Variants in TENM2 observed in about 807,000 individuals in gnomAD.
TENM2 encodes the protein teneurin-2.
In TENM2, 52 loss-of-function variants were observed where a neutral mutation model predicts 245.2. The observed-to-expected ratio is 0.21, with a 90% CI of 0.17 to 0.27. The LOEUF (loss-of-function observed/expected upper bound fraction) is 0.27. Ranked by LOEUF, TENM2 falls within the 10% of genes least tolerant of loss-of-function variation. The pLI is 1.00. For synonymous variants in TENM2, 1,363 were observed against 1,438.9 expected (o/e 0.95, Z 1.19); for missense variants, 3,046 against 3,666.8 (o/e 0.83, Z 4.37).
the TENM2 span, among the ~76,000 whole-genome samples, chr5:167,189,295 G>C: frequency 2.0e-5 from 3 of 152,106 alleles, no homozygotes; most frequent in African/African-American, 7.2e-5. Flanking sequence ...TAGTGTGGAA[G>C]AAAAATATCT....
At chr5:168,066,181 C>A (rs1790487604) in intron 7 of TENM2, among the ~76,000 whole-genome samples, 1 of 152,184 alleles carries the variant, frequency 6.6e-6, no homozygotes, top group African/African-American at 2.4e-5. Flanking sequence ...GGACACAGAC[C>A]TATGAAACTT....
At chr5:167,462,241 G>A (rs1766359989) in intron 2 of TENM2, among the ~76,000 whole-genome samples, 2 of 126,756 alleles carry the variant, frequency 1.6e-5, no homozygotes, top group African/African-American at 3.0e-5. Context: ...TGGCTGTTGT[G>A]CACTCAAACC....
intron 2 of TENM2, among the ~76,000 whole-genome samples, chr5:167,599,451 T>C (rs567906898): frequency 2.6e-5 from 4 of 152,312 alleles, no homozygotes; most frequent in African/African-American, 9.6e-5. Context: ...TCAAATCTGA[T>C]TATATCTGAA....
intron 1 of TENM2, among the ~76,000 whole-genome samples, chr5:167,359,574 A>G (rs1759573793): frequency 6.6e-6 from 1 of 151,970 alleles, no homozygotes; most frequent in South Asian, 2.1e-4. Flanking sequence ...AAGTTTAATT[A>G]GATTCCATTT....
chr5:167,414,515 G>A (rs1469222230), intron 2 of TENM2, among the ~76,000 whole-genome samples: 1 of 152,062 alleles, frequency 6.6e-6, no homozygotes, highest in African/African-American at 2.4e-5. Context: ...CACTCGGCAA[G>A]TGATTTAGGG....
At chr5:167,711,594 C>G (rs866272371) in intron 2 of TENM2, among the ~76,000 whole-genome samples, 2 of 152,206 alleles carry the variant, frequency 1.3e-5, no homozygotes, top group African/African-American at 4.8e-5. Flanking sequence ...ATCAAACCCA[C>G]TGTTTATCTG....
chr5:168,121,951 TC>T (rs1433795014), intron 10 of TENM2, among the ~76,000 whole-genome samples: 2 of 152,190 alleles, frequency 1.3e-5, no homozygotes, highest in Non-Finnish European at 2.9e-5. Context: ...AATTTACAGA[TC>T]CCCAAATACG....
At chr5:168,164,785 G>A (rs1758070229) in intron 13 of TENM2, among the ~76,000 whole-genome samples, 1 of 152,142 alleles carries the variant, frequency 6.6e-6, no homozygotes, top group South Asian at 2.1e-4. Flanking sequence ...TGGGGGCAGA[G>A]GTTGTTTCAG....
the TENM2 span, among the ~76,000 whole-genome samples, chr5:167,217,735 T>TAA: frequency 4.2e-5 from 6 of 144,512 alleles, no homozygotes; most frequent in Non-Finnish European, 3.0e-5. Context: ...TATATATATA[T>TAA]AATATATGTG....
At chr5:167,575,820 AT>A (rs900955479) in intron 2 of TENM2, among the ~76,000 whole-genome samples, 1 of 151,964 alleles carries the variant, frequency 6.6e-6, no homozygotes, top group African/African-American at 2.4e-5. Flanking sequence ...ATCACATGTA[AT>A]TTTTTTTCAG....
At chr5:167,922,754 C>T (rs1294209425) in intron 3 of TENM2, among the ~76,000 whole-genome samples, 2 of 152,212 alleles carry the variant, frequency 1.3e-5, no homozygotes, top group East Asian at 1.9e-4. Flanking sequence ...AGGGCCAGCT[C>T]AGCTGTGCCT....
intron 5 of TENM2, among the ~76,000 whole-genome samples, chr5:168,019,906 A>G (rs1412965682): frequency 6.6e-6 from 1 of 152,242 alleles, no homozygotes; most frequent in Non-Finnish European, 1.5e-5. Context: ...CATTGAAATG[A>G]CATGTTTCAC....
chr5:168,126,388 T>G (rs896224255), intron 11 of TENM2, among the ~76,000 whole-genome samples: 1 of 151,908 alleles, frequency 6.6e-6, no homozygotes, highest in African/African-American at 2.4e-5. Context: ...TCTAGAAGAG[T>G]GGTTCTCACA....
chr5:167,902,453 C>G (rs953101292), intron 3 of TENM2, among the ~76,000 whole-genome samples: 1 of 152,130 alleles, frequency 6.6e-6, no homozygotes, highest in Non-Finnish European at 1.5e-5. Context: ...AGATTCAAGG[C>G]CAATCCAGCC....
intron 1 of TENM2, chr5:167,309,771 G>C (rs1017679073): frequency 6.6e-6 from 1 of 152,146 alleles, no homozygotes; most frequent in Non-Finnish European, 1.5e-5. Context: ...CTCCAGGAGA[G>C]GCTAAAAGAG....
At chr5:167,009,187 G>A in the TENM2 span, among the ~76,000 whole-genome samples, 7 of 152,028 alleles carry the variant, frequency 4.6e-5, no homozygotes, top group Non-Finnish European at 8.8e-5. Context: ...TTACACAATC[G>A]GATGTACAGG....
At chr5:167,545,595 A>T (rs1772508257) in intron 2 of TENM2, among the ~76,000 whole-genome samples, 3 of 152,184 alleles carry the variant, frequency 2.0e-5, no homozygotes, top group Admixed American at 6.5e-5. Flanking sequence ...TGCATTATAC[A>T]TCAAATACAA....
At chr5:168,177,592 T>C (rs1442687978) in intron 13 of TENM2, among the ~76,000 whole-genome samples, 1 of 152,226 alleles carries the variant, frequency 6.6e-6, no homozygotes, top group African/African-American at 2.4e-5. Context: ...ATCCCAGCAC[T>C]TTGGGAGGCT....
Position 168,215,022 on chromosome 5 carries a change from G to A in TENM2, c.3846-18G>A. 1 of 1,610,982 alleles carries A rather than the reference G, an allele frequency of 6.2e-7. No individual in the cohort carries two copies. Among genetic ancestry groups the A allele is most frequent in the Non-Finnish European group, 8.5e-7 (1 of 1,177,620 alleles). ...CATAGCCCCCTCCTCATTTCTCTTTGTGCTTCTTCTACTAAAGCAACAACC... is the reference window on the plus strand; with the variant it reads ...CATAGCCCCCTCCTCATTTCTCTTTATGCTTCTTCTACTAAAGCAACAACC... On this transcript the variant is annotated intron_variant, in intron 20 of 28. Coordinates refer to ENST00000518659, the Ensembl canonical transcript of TENM2.
Sources: allele counts gnomAD v4.1 joint callset (sites outside exome capture counted in the v4.1 genomes callset), GRCh38; gene constraint gnomAD v4.1.1; transcripts MANE v1.5; gene names NCBI Gene and HGNC (gene_info 2026-07-23, HGNC 2026-07-21).